The following SLC25A48 variants were observed in gnomAD, a reference collection of about 807,000 sequenced individuals.
SLC25A48 encodes the protein CTC-321K16.1.
Under a neutral mutation model 32.2 loss-of-function variants are expected in SLC25A48, and 29 were observed. The ratio of observed to expected loss-of-function variants is 0.90; its 90% confidence interval spans 0.67 to 1.23. The LOEUF (loss-of-function observed/expected upper bound fraction) is 1.23. Ranked by LOEUF, SLC25A48 falls within the 50% of genes most tolerant of loss-of-function variation. SLC25A48 has a pLI of 0.00. For synonymous variants in SLC25A48, 164 were observed against 172.3 expected, an observed-to-expected ratio of 0.95 and a Z score of 0.38; for missense variants, 399 against 422.7, an observed-to-expected ratio of 0.94 and a Z score of 0.49.
chr5:135,812,188 T>C (rs747145455), intron 3 of SLC25A48, among the ~76,000 whole-genome samples: 4 of 152,212 alleles, frequency 2.6e-5, no homozygotes, highest in Admixed American at 6.5e-5. Flanking sequence ...TATGGGTACA[T>C]AGTAGGTGTA....
intron 3 of SLC25A48, among the ~76,000 whole-genome samples, chr5:135,675,280 C>T (rs1753742143): frequency 6.6e-6 from 1 of 151,924 alleles, no homozygotes; most frequent in South Asian, 2.1e-4. Flanking sequence ...ATATTTTCTC[C>T]CATTTTGACA....
At chr5:135,757,890 T>G (rs1192013929) in intron 3 of SLC25A48, among the ~76,000 whole-genome samples, 1 of 150,496 alleles carries the variant, frequency 6.6e-6, no homozygotes, top group African/African-American at 2.4e-5. Context: ...CTAGATGATA[T>G]ATTGTGTAGG....
intron 3 of SLC25A48, among the ~76,000 whole-genome samples, chr5:135,851,603 C>T (rs1759871791): frequency 1.3e-5 from 2 of 151,888 alleles, no homozygotes; most frequent in Admixed American, 6.5e-5. Context: ...TGTATATATG[C>T]GTGTGTGTGC....
intron 4 of SLC25A48, among the ~76,000 whole-genome samples, chr5:135,817,654 C>CA (rs1757760398): frequency 1.3e-5 from 2 of 152,036 alleles, no homozygotes; most frequent in South Asian, 4.1e-4. Context: ...ACAAAAAACA[C>CA]AAAAAATAAT....
intron 3 of SLC25A48, among the ~76,000 whole-genome samples, chr5:135,811,744 C>T (rs1479953435): frequency 6.6e-5 from 10 of 151,944 alleles, no homozygotes; most frequent in African/African-American, 1.7e-4. Context: ...AGAAAGACAC[C>T]GTCCTGTCCC....
At chr5:135,714,266 CA>C (rs978152836) in intron 3 of SLC25A48, among the ~76,000 whole-genome samples, 2 of 152,188 alleles carry the variant, frequency 1.3e-5, no homozygotes, top group African/African-American at 4.8e-5. Flanking sequence ...GCCTGGACCA[CA>C]GGAATGTGCC....
intron 4 of SLC25A48, among the ~76,000 whole-genome samples, chr5:135,818,082 T>C (rs927389127): frequency 1.3e-4 from 17 of 134,938 alleles, no homozygotes; most frequent in Non-Finnish European, 2.4e-4. Context: ...TCTCTCTCTC[T>C]CTCTCTCTCT....
At chr5:135,676,826 A>G (rs1247100822) in intron 3 of SLC25A48, among the ~76,000 whole-genome samples, 1 of 152,024 alleles carries the variant, frequency 6.6e-6, no homozygotes, top group Non-Finnish European at 1.5e-5. Flanking sequence ...AATACTTGAT[A>G]TGATTTTGAT....
intron 7 of SLC25A48, among the ~76,000 whole-genome samples, chr5:135,884,120 C>T (rs2126845726): frequency 6.6e-6 from 1 of 152,338 alleles, no homozygotes; most frequent in Non-Finnish European, 1.5e-5. Context: ...AGGAAATGTC[C>T]TCAAATTTGT....
chr5:135,799,324 T>C (rs1203523460), intron 3 of SLC25A48, among the ~76,000 whole-genome samples: 2 of 151,736 alleles, frequency 1.3e-5, no homozygotes, highest in African/African-American at 4.8e-5. Context: ...CCCTGTGATA[T>C]TGTTCTCTAT....
chr5:135,728,546 T>C (rs1003592933), intron 3 of SLC25A48, among the ~76,000 whole-genome samples: 1 of 152,160 alleles, frequency 6.6e-6, no homozygotes, highest in Admixed American at 6.5e-5. Context: ...CTTAAGGGTG[T>C]TTCTTTTTTA....
intron 3 of SLC25A48, chr5:135,742,534 C>A: frequency 6.7e-7 from 1 of 1,485,500 alleles, no homozygotes; most frequent in Non-Finnish European, 9.3e-7. Context: ...CTTTCCCAAA[C>A]AATACCAAGA....
At chr5:135,785,124 T>G (rs1413032134) in intron 3 of SLC25A48, among the ~76,000 whole-genome samples, 1 of 152,142 alleles carries the variant, frequency 6.6e-6, no homozygotes, top group East Asian at 1.9e-4. Flanking sequence ...CCGAATATCA[T>G]AGAAGGTGTA....
In SLC25A48 at chr5:135,709,167, A is replaced by G. The variant is rs114602527; in HGVS notation, c.-521+74211A>G. 8.9e-3 allele frequency among the ~76,000 whole-genome samples: 1,352 copies of G among 152,298 alleles called. 26 individuals are homozygous for G. Among genetic ancestry groups the G allele is most frequent in the African/African-American group, 0.031 (1,301 of 41,560 alleles). ...AAAGACCCCTGACAGCTCCCAAGGT[A>G]TCCAGCCCCTGAGCCCACACCAGCT... is the stretch of plus-strand genomic sequence containing the variant. On this transcript the variant is annotated intron_variant, in intron 3 of 10. Coordinates refer to the SLC25A48 transcript ENST00000646290.
At chr5:135,744,100 A>C (rs59736410) in intron 3 of SLC25A48, among the ~76,000 whole-genome samples, 38,915 of 152,134 alleles carry the variant, frequency 0.26, 5,288 homozygotes, top group East Asian at 0.46. Context: ...GCATAGATAT[A>C]CTGGGCTCTA....
intron 3 of SLC25A48, among the ~76,000 whole-genome samples, chr5:135,773,733 G>T (rs1172823090): frequency 6.7e-6 from 1 of 149,942 alleles, no homozygotes; most frequent in African/African-American, 2.5e-5. Flanking sequence ...GTACACCACT[G>T]CTGTGACATT....
intron 3 of SLC25A48, among the ~76,000 whole-genome samples, chr5:135,796,876 A>G (rs1757194661): frequency 6.6e-6 from 1 of 151,654 alleles, no homozygotes; most frequent in Admixed American, 6.6e-5. Flanking sequence ...GGAGAGGATG[A>G]TATGACTTCC....
At chr5:135,746,974 ATTCAGG>A (rs905754882) in intron 3 of SLC25A48, among the ~76,000 whole-genome samples, 3 of 142,580 alleles carry the variant, frequency 2.1e-5, no homozygotes, top group Non-Finnish European at 4.6e-5. Flanking sequence ...CCGTCATTAG[ATTCAGG>A]TTAAGTATTT....
At position 135,611,484 on chromosome 5, in the gene SLC25A48, G is replaced by GA. The variant is rs533178718; in HGVS notation, c.-848-17752dup. Among the ~76,000 whole-genome samples the GA allele has an allele frequency of 2.3e-3, 173 of 76,222 alleles. 1 individual carries two copies. The highest frequency in any genetic ancestry group is 0.023 in the Middle Eastern group (1 of 44). The allele number at this position is 76,222 out of a possible 152,430, so 50.0% of individuals were successfully genotyped here. The stretch of plus-strand genomic sequence containing the variant: ...TGCACTCCAGACTCGGTGACAGAGC[G>GA]AGACTCCATCTCAAAAAAAAAAAAA... On this transcript the variant is annotated intron_variant, in intron 1 of 10. Transcript: ENST00000646290.
Sources: allele counts gnomAD v4.1 joint callset (sites outside exome capture counted in the v4.1 genomes callset), GRCh38; gene constraint gnomAD v4.1.1; transcripts MANE v1.5; gene names NCBI Gene and HGNC (gene_info 2026-07-23, HGNC 2026-07-21).